PNLIPRP1: variants seen among roughly 807,000 people sequenced by gnomAD.
PNLIPRP1 encodes pancreatic lipase related protein 1, also known as inactive pancreatic lipase-related protein 1.
Under a neutral mutation model 54.6 loss-of-function variants are expected in PNLIPRP1, and 57 were observed. That is an observed-to-expected ratio of 1.04 (90% CI 0.84 to 1.30). PNLIPRP1 has a LOEUF of 1.30. Among genes scored for constraint, PNLIPRP1 ranks in the 50% most tolerant of loss-of-function variants. The probability of loss-of-function intolerance (pLI) is 0.00; values close to 1 mark genes in which losing one functional copy is unlikely to be tolerated. For missense variants in PNLIPRP1, 567 were observed against 568.5 expected (o/e 1.00, Z 0.03); for synonymous variants, 232 against 208.8 (o/e 1.11, Z -0.96).
chr10:116,604,167 A>C, intron 11 of PNLIPRP1, 29 bp downstream of exon 11: 67 of 1,159,254 alleles, frequency 5.8e-5, no homozygotes, highest in Non-Finnish European at 7.8e-5. Flanking sequence ...ACTACGTCTC[A>C]TTTGATGATA....
rs1554863247 is a variant in PNLIPRP1 at position 116,591,919 on chromosome 10, C to A, written c.198C>A (p.Asn66Lys). 6.2e-7 allele frequency: 1 copy of A among 1,614,168 alleles called. No homozygotes were observed. The highest frequency in any genetic ancestry group is 8.5e-7 in the Non-Finnish European group (1 of 1,180,024). ...TGTACACCAATGAAAACCCAAACAA[C>A]TTTCAAGTGAGACCTCTGTCATTTA... The part of the protein sequence containing the change: ...FLLYTNENPN[N>K]FQILLLSDPS... The change falls in exon 3 of 13, where the codon AAC (asparagine) becomes AAA (lysine). Residue 66 changes from asparagine to lysine, a missense_variant. By Grantham distance (94) the Asn-to-Lys change is moderately conservative. Coordinates refer to ENST00000358834, the MANE Select transcript of PNLIPRP1 (RefSeq NM_006229.4).
chr10:116,604,237 G>A, intron 11 of PNLIPRP1, 99 bp downstream of exon 11: 1 of 575,666 alleles, frequency 1.7e-6, no homozygotes. Context: ...ATATGTCACT[G>A]GTTTTTAATT....
At chr10:116,601,947 T>A (rs924345991) in intron 10 of PNLIPRP1, among the ~76,000 whole-genome samples, 1 of 152,232 alleles carries the variant, frequency 6.6e-6, no homozygotes, top group South Asian at 2.1e-4. Context: ...TTTGGACAAA[T>A]GAATAGTTGT....
At chr10:116,594,672 G>T (rs1847702219) in intron 4 of PNLIPRP1, 58 bp from the exon 5 acceptor site, 9 of 1,599,820 alleles carry the variant, frequency 5.6e-6, no homozygotes, top group Non-Finnish European at 7.7e-6. Flanking sequence ...AGCCCTGGCT[G>T]GATAAGGTTT....
intron 8 of PNLIPRP1, among the ~76,000 whole-genome samples, chr10:116,599,025 C>T (rs1168692269): frequency 6.6e-5 from 10 of 152,030 alleles, no homozygotes; most frequent in African/African-American, 2.4e-4. Context: ...GAGGCCGAGG[C>T]GGGCAAATCA....
Position 116,594,753 on chromosome 10 carries a change from G to A in PNLIPRP1, c.354G>A (p.Val118=). The A allele has an allele frequency of 1.2e-6, 2 of 1,614,156 alleles. No individual in the cohort carries two copies. The highest frequency in any genetic ancestry group is 1.7e-6 in the Non-Finnish European group (2 of 1,180,024). ...AGAAACTGTTCGAGGTGGAGGAGGT[G>A]AACTGCATCTGCGTGGACTGGAAGA... ...MCKKLFEVEE[V]NCICVDWKKG... is the part of the protein sequence containing the mutation. Residue 118 remains valine, a synonymous_variant, in exon 5 of 13, where the codon GTG becomes GTA. Transcript: ENST00000358834.
At chr10:116,592,613 G>T in intron 4 of PNLIPRP1, 72 bp downstream of exon 4, 1 of 1,564,054 alleles carries the variant, frequency 6.4e-7, no homozygotes, top group Non-Finnish European at 8.8e-7. Flanking sequence ...ATCACTTTAT[G>T]CACTCAAGAA....
At chr10:116,594,257 C>A in intron 4 of PNLIPRP1, 1 of 473,942 alleles carries the variant, frequency 2.1e-6, no homozygotes. Flanking sequence ...GTGTCTACTC[C>A]ATGAAGTACT....
intron 12 of PNLIPRP1, 74 bp from the exon 13 acceptor site, chr10:116,608,979 A>C (rs1847981460): frequency 8.8e-7 from 1 of 1,137,362 alleles, no homozygotes; most frequent in Non-Finnish European, 1.3e-6. Flanking sequence ...AACCAAACCA[A>C]ACCAAAACAA....
intron 12 of PNLIPRP1, among the ~76,000 whole-genome samples, chr10:116,607,632 G>C (rs1554865718): frequency 1.3e-5 from 2 of 152,162 alleles, no homozygotes; most frequent in East Asian, 3.9e-4. Flanking sequence ...CTTCTTGGCA[G>C]AAAAAATGAA....
intron 4 of PNLIPRP1, chr10:116,594,298 T>G (rs782457678): frequency 9.8e-6 from 5 of 508,836 alleles, no homozygotes; most frequent in South Asian, 7.3e-5. Flanking sequence ...ATAGTGAAAC[T>G]TCTCTCTCAC....
intron 7 of PNLIPRP1, 29 bp downstream of exon 7, chr10:116,597,976 C>A (rs1274106643): frequency 1.2e-6 from 2 of 1,613,916 alleles, no homozygotes; most frequent in Admixed American, 1.7e-5. Context: ...CAGCTGTGAG[C>A]ACGCACAACT....
chr10:116,608,468 T>C (rs1476873927), intron 12 of PNLIPRP1, among the ~76,000 whole-genome samples: 1 of 152,180 alleles, frequency 6.6e-6, no homozygotes, highest in East Asian at 1.9e-4. Flanking sequence ...GATCCTACCA[T>C]GGAAAATACA....
chr10:116,593,349 G>A (rs1554863514), intron 4 of PNLIPRP1, among the ~76,000 whole-genome samples: 1 of 152,020 alleles, frequency 6.6e-6, no homozygotes, highest in Non-Finnish European at 1.5e-5. Flanking sequence ...ACACACATGT[G>A]CGTGCAATAT....
intron 9 of PNLIPRP1, chr10:116,600,599 G>C (rs576611887): frequency 1.4e-4 from 24 of 174,418 alleles, no homozygotes; most frequent in Non-Finnish European, 2.9e-4. Context: ...TGGCAACAAG[G>C]GGAGAGATGA....
chr10:116,599,929 T>C, intron 8 of PNLIPRP1, 118 bp from the exon 9 acceptor site: 1 of 707,178 alleles, frequency 1.4e-6, no homozygotes, highest in Non-Finnish European at 2.5e-6. Context: ...ATTTTGGATT[T>C]ATCTTAAGTT....
chr10:116,596,123 G>A, intron 5 of PNLIPRP1, 91 bp from the exon 6 acceptor site: 1 of 838,702 alleles, frequency 1.2e-6, no homozygotes, highest in Non-Finnish European at 2.0e-6. Flanking sequence ...AGGCATGGAA[G>A]GTTTTCAGCA....
intron 11 of PNLIPRP1, among the ~76,000 whole-genome samples, chr10:116,604,682 T>TC (rs34226404): frequency 2.8e-5 from 2 of 71,334 alleles, no homozygotes; most frequent in East Asian, 7.2e-4. Flanking sequence ...TTTCTCTCTC[T>TC]TTTTTTTTTT....
chr10:116,597,918 C>T lies in PNLIPRP1; in HGVS notation c.665C>T (p.Thr222Met), dbSNP rs782804332. 2.3e-5 allele frequency: 37 copies of T among 1,614,106 alleles called. No homozygotes were observed. The highest frequency in any genetic ancestry group is 2.0e-4 in the South Asian group (18 of 91,096). The change falls in exon 7 of 13, where the codon ACG becomes ATG. Residue 222 changes from threonine (T) to methionine (M), a missense_variant. Transcript: ENST00000358834. Reference sequence around the variant, plus strand: ...GCTGACTTTGTTGATGTGATTCACACGGATGCAGCTCCCCTGATCCCATTC... The same window carrying T: ...GCTGACTTTGTTGATGTGATTCACATGGATGCAGCTCCCCTGATCCCATTC... ...SDADFVDVIH[T>M]DAAPLIPFLG...
Sources: allele counts gnomAD v4.1 joint callset (sites outside exome capture counted in the v4.1 genomes callset), GRCh38; gene constraint gnomAD v4.1.1; transcripts MANE v1.5; gene names NCBI Gene and HGNC (gene_info 2026-07-23, HGNC 2026-07-21).